The following NME9 variants were observed in gnomAD, a reference collection of about 807,000 sequenced individuals.
The protein encoded by NME9 is NME/NM23 family member 9, also known as thioredoxin domain-containing protein 6.
NME9 carries 48 observed loss-of-function variants against 44.4 expected under a neutral mutation model. The observed-to-expected ratio is 1.08, with a 90% CI of 0.86 to 1.37. The LOEUF is 1.37. NME9 is among the 40% of genes most tolerant of loss of function. NME9 has a pLI of 0.00. For missense variants in NME9, 325 were observed against 405.2 expected, an observed-to-expected ratio of 0.80 and a Z score of 1.70; for synonymous variants, 139 against 147.1, an observed-to-expected ratio of 0.94 and a Z score of 0.40.
At chr3:138,306,918 C>T (rs567197623) in intron 6 of NME9, among the ~76,000 whole-genome samples, 1 of 152,230 alleles carries the variant, frequency 6.6e-6, no homozygotes, top group Admixed American at 6.5e-5. Flanking sequence ...GGCCTGGCTG[C>T]CCTCACCCTC....
chr3:138,325,318 T>C (rs889007742), intron 1 of NME9, among the ~76,000 whole-genome samples: 2 of 152,212 alleles, frequency 1.3e-5, no homozygotes, highest in African/African-American at 4.8e-5. Flanking sequence ...ATTTTTTTCT[T>C]ATCCACACAG....
At chr3:138,292,379 G>C (rs768404708) in intron 8 of NME9, among the ~76,000 whole-genome samples, 5 of 152,204 alleles carry the variant, frequency 3.3e-5, no homozygotes, top group African/African-American at 4.8e-5. Context: ...GTGACTTACA[G>C]AGAACCATCT....
downstream of NME9, chr3:138,296,107 GT>G (rs900005790): frequency 1.9e-5 from 9 of 470,742 alleles, no homozygotes; most frequent in African/African-American, 1.2e-4. Context: ...TTTTGTTTTG[GT>G]TTTTTTTTCT....
intron 8 of NME9, among the ~76,000 whole-genome samples, chr3:138,274,871 A>T (rs79301049): frequency 0.014 from 2,069 of 152,254 alleles, 50 homozygotes; most frequent in African/African-American, 0.048. Context: ...CAGGATAAAT[A>T]AATAGTGGTT....
intron 2 of NME9, chr3:138,324,435 G>A (rs185566254): frequency 6.6e-6 from 3 of 456,960 alleles, no homozygotes; most frequent in Non-Finnish European, 1.3e-5. Flanking sequence ...ACAAATAACT[G>A]ATGCCAGGAG....
intron 1 of NME9, among the ~76,000 whole-genome samples, chr3:138,328,609 C>T (rs969995165): frequency 2.6e-5 from 4 of 152,066 alleles, no homozygotes; most frequent in Non-Finnish European, 4.4e-5. Context: ...TGCAGATCAT[C>T]CAGCTGATCT....
At chr3:138,280,133 AC>A (rs1576981416) in intron 8 of NME9, among the ~76,000 whole-genome samples, 1 of 151,750 alleles carries the variant, frequency 6.6e-6, no homozygotes, top group African/African-American at 2.4e-5. Flanking sequence ...CAAACTCCTG[AC>A]CTCAGCTGAT....
chr3:138,320,420 G>A (rs2053390120), intron 2 of NME9, among the ~76,000 whole-genome samples: 1 of 152,218 alleles, frequency 6.6e-6, no homozygotes, highest in African/African-American at 2.4e-5. Context: ...GAGCATTTCT[G>A]TTCAACCGCC....
intron 8 of NME9, among the ~76,000 whole-genome samples, chr3:138,263,132 A>G (rs1015093461): frequency 3.3e-5 from 5 of 152,250 alleles, no homozygotes; most frequent in Admixed American, 6.5e-5. Context: ...TTCACACACT[A>G]TTTATTTTGT....
intron 1 of NME9, among the ~76,000 whole-genome samples, chr3:138,328,390 C>T (rs1201896679): frequency 2.4e-5 from 3 of 127,520 alleles, no homozygotes; most frequent in Non-Finnish European, 4.7e-5. Flanking sequence ...TAGAATGATG[C>T]TGCTTTCCCC....
chr3:138,269,025 C>G (rs148018064), intron 8 of NME9, among the ~76,000 whole-genome samples: 1 of 152,146 alleles, frequency 6.6e-6, no homozygotes, highest in African/African-American at 2.4e-5. Context: ...TGTACGCATC[C>G]TACTTTCACA....
intron 1 of NME9, among the ~76,000 whole-genome samples, chr3:138,325,502 A>G (rs1418387530): frequency 1.3e-5 from 2 of 150,840 alleles, no homozygotes; most frequent in African/African-American, 4.9e-5. Flanking sequence ...TCTGCCTCCC[A>G]GGTTCAAGCG....
At chr3:138,306,321 G>T in intron 7 of NME9, 77 bp downstream of exon 7, 1 of 1,089,782 alleles carries the variant, frequency 9.2e-7, no homozygotes, top group Non-Finnish European at 1.4e-6. Context: ...AGATATCACT[G>T]CCCAGTGCCC....
At chr3:138,263,997 G>A (rs2048009301) in intron 8 of NME9, 1 of 946,040 alleles carries the variant, frequency 1.1e-6, no homozygotes, top group Non-Finnish European at 1.7e-6. Flanking sequence ...ACCCCATAAA[G>A]TGGTCTGATG....
Position 138,289,144 on chromosome 3 carries a change from T to C in NME9, c.745+14363A>G, listed in dbSNP as rs756470548. 1.0e-5 allele frequency: 16 copies of C among 1,582,598 alleles called. No individual in the cohort carries two copies. In the Admixed American group the frequency reaches 2.6e-4, roughly 25 times the overall value. ...AGGTAAGAGATTGGTGAGATTTGTT[T>C]TGAAAAAAATTATGGGAAGAGTGTC... On this transcript the variant is annotated intron_variant, in intron 8 of 8. Coordinates refer to the NME9 transcript ENST00000317876.
chr3:138,290,167 T>C (rs573177865), intron 8 of NME9, among the ~76,000 whole-genome samples: 1 of 151,292 alleles, frequency 6.6e-6, no homozygotes, highest in African/African-American at 2.4e-5. Context: ...CTGCTTAGAG[T>C]AGTAAGAGCC....
At chr3:138,289,608 T>G (rs2050752251) in intron 8 of NME9, among the ~76,000 whole-genome samples, 1 of 152,160 alleles carries the variant, frequency 6.6e-6, no homozygotes, top group Non-Finnish European at 1.5e-5. Context: ...GGTTCTTTAC[T>G]TTGGCTGCAT....
chr3:138,318,066 A>G (rs1353133556), intron 4 of NME9, 82 bp downstream of exon 4: 11 of 895,316 alleles, frequency 1.2e-5, no homozygotes, highest in Non-Finnish European at 2.1e-5. Flanking sequence ...CCAAGAGTGA[A>G]TTAATGTCAG....
intron 8 of NME9, among the ~76,000 whole-genome samples, chr3:138,278,894 T>C (rs1447319916): frequency 1.3e-5 from 2 of 152,246 alleles, no homozygotes; most frequent in African/African-American, 4.8e-5. Flanking sequence ...GTCAGTCTTG[T>C]ATCCTGCATT....
Sources: allele counts gnomAD v4.1 joint callset (sites outside exome capture counted in the v4.1 genomes callset), GRCh38; gene constraint gnomAD v4.1.1; transcripts MANE v1.5; gene names NCBI Gene and HGNC (gene_info 2026-07-23, HGNC 2026-07-21).